The following C12orf42 variants were observed in gnomAD, a reference collection of about 807,000 sequenced individuals.
C12orf42 encodes the protein chromosome 12 open reading frame 42.
In C12orf42, 25 loss-of-function variants were observed where a neutral mutation model predicts 21.6. That is an observed-to-expected ratio of 1.16 (90% CI 0.84 to 1.62). C12orf42 has a LOEUF of 1.62. Ranked by LOEUF, C12orf42 falls within the 40% of genes most tolerant of loss-of-function variation. The probability of loss-of-function intolerance (pLI) is 0.00; values close to 1 mark genes in which losing one functional copy is unlikely to be tolerated. For missense variants in C12orf42, 483 were observed against 459.3 expected, an observed-to-expected ratio of 1.05 and a Z score of -0.47; for synonymous variants, 174 against 175.0, an observed-to-expected ratio of 0.99 and a Z score of 0.05.
the C12orf42 span, among the ~76,000 whole-genome samples, chr12:103,143,050 C>T: frequency 1.4e-4 from 22 of 152,108 alleles, no homozygotes; most frequent in Non-Finnish European, 2.6e-4. Flanking sequence ...CTGAGCAGCA[C>T]GTTTTACACT....
the C12orf42 span, among the ~76,000 whole-genome samples, chr12:103,117,054 C>G: frequency 6.6e-6 from 1 of 152,070 alleles, no homozygotes; most frequent in Non-Finnish European, 1.5e-5. Flanking sequence ...CTTCAGTATC[C>G]TCCTTCTAGC....
the C12orf42 span, among the ~76,000 whole-genome samples, chr12:103,524,156 T>C: frequency 3.3e-5 from 5 of 152,202 alleles, no homozygotes; most frequent in Admixed American, 1.3e-4. Context: ...ATTCTGCCTA[T>C]CCTTTTGCAA....
the C12orf42 span, among the ~76,000 whole-genome samples, chr12:103,071,546 T>C: frequency 6.6e-6 from 1 of 152,050 alleles, no homozygotes; most frequent in Admixed American, 6.6e-5. Context: ...GTGTCAAGGG[T>C]GGGGCCAGGT....
chr12:103,526,381 C>T, the C12orf42 span, among the ~76,000 whole-genome samples: 2 of 152,138 alleles, frequency 1.3e-5, no homozygotes, highest in African/African-American at 2.4e-5. Context: ...TATCATTGCA[C>T]GAGTTGTCTG....
rs546035208 is a variant in C12orf42, at chr12:103,310,342, A to C, written c.260-3997T>G. ...TGCCTATTTCACCTTCTCAGGAGCC[A>C]ATTAAATCTCTTTTCTTTGTAAATG... On this transcript the variant is annotated intron_variant, in intron 4 of 5. Coordinates refer to ENST00000548883, the MANE Select transcript of C12orf42 (RefSeq NM_198521.5). 1.4e-4 allele frequency among the ~76,000 whole-genome samples: 22 copies of C among 152,250 alleles called. No homozygotes were observed. In the South Asian group the frequency reaches 4.6e-3, roughly 32 times the overall value.
chr12:103,050,219 G>GGTGT, the C12orf42 span, among the ~76,000 whole-genome samples: 1,110 of 148,750 alleles, frequency 7.5e-3, 6 homozygotes, highest in African/African-American at 0.02. Flanking sequence ...TTTTCTCACA[G>GGTGT]GTGTGTGTGT....
chr12:103,344,337 A>AC (rs1241865504), intron 4 of C12orf42, among the ~76,000 whole-genome samples: 10 of 152,182 alleles, frequency 6.6e-5, no homozygotes, highest in African/African-American at 2.2e-4. Context: ...AGGAGGGGTA[A>AC]CTATCAGACA....
At chr12:103,080,818 G>A in the C12orf42 span, 1 of 152,106 alleles carries the variant, frequency 6.6e-6, no homozygotes, top group African/African-American at 2.4e-5. Flanking sequence ...ATTTTAGAAA[G>A]TTAGTTCATA....
intron 5 of C12orf42, among the ~76,000 whole-genome samples, chr12:103,276,446 C>T (rs1682436276): frequency 6.6e-6 from 1 of 152,198 alleles, no homozygotes; most frequent in South Asian, 2.1e-4. Flanking sequence ...GTACTCTCCC[C>T]ATTGCAAGAG....
rs149766576 is a variant in C12orf42 at position 103,303,196 on chromosome 12, C to T, written c.632-637G>A. On this transcript the variant is annotated intron_variant, in intron 5 of 5. Coordinates refer to ENST00000548883, the MANE Select transcript of C12orf42 (RefSeq NM_198521.5). Reference sequence around the variant, plus strand: ...TGCCCAACGAAATAATTTTTCCATACAAAAGATGTGTTTTTTTACAACATA... The same window carrying T: ...TGCCCAACGAAATAATTTTTCCATATAAAAGATGTGTTTTTTTACAACATA... Among the ~76,000 whole-genome samples the T allele has an allele frequency of 3.5e-3, 530 of 152,102 alleles. 13 individuals are homozygous for T. The highest frequency in any genetic ancestry group is 0.031 in the Admixed American group (479 of 15,272).
the C12orf42 span, chr12:103,155,017 C>T: frequency 3.9e-5 from 6 of 152,186 alleles, no homozygotes; most frequent in Non-Finnish European, 7.3e-5. Flanking sequence ...AAACCTCCCC[C>T]ACTCCTCTTT....
At chr12:103,521,377 G>A in the C12orf42 span, among the ~76,000 whole-genome samples, 1 of 152,196 alleles carries the variant, frequency 6.6e-6, no homozygotes, top group Non-Finnish European at 1.5e-5. Flanking sequence ...CATGTCCTTT[G>A]CAGGAACATG....
At chr12:103,280,340 G>A (rs543452905) in intron 4 of C12orf42, among the ~76,000 whole-genome samples, 6 of 152,214 alleles carry the variant, frequency 3.9e-5, no homozygotes, top group South Asian at 4.1e-4. Context: ...GAGTGGGGCC[G>A]GGTGCGGTGG....
intron 2 of C12orf42, among the ~76,000 whole-genome samples, chr12:103,421,672 A>G (rs1047455381): frequency 6.6e-5 from 10 of 152,130 alleles, no homozygotes; most frequent in African/African-American, 2.4e-4. Context: ...CAAAAAAAGA[A>G]CTAATATTCC....
At chr12:103,195,379 C>T in the C12orf42 span, among the ~76,000 whole-genome samples, 4 of 152,094 alleles carry the variant, frequency 2.6e-5, no homozygotes, top group South Asian at 2.1e-4. Context: ...AACTGCTTTC[C>T]GGAGTGGCTG....
At chr12:103,360,963 T>C (rs144441509) in intron 4 of C12orf42, among the ~76,000 whole-genome samples, 298 of 152,234 alleles carry the variant, frequency 2.0e-3, no homozygotes, top group Non-Finnish European at 3.5e-3. Flanking sequence ...TCTTGCACCA[T>C]TTGAGTTTCC....
chr12:103,535,509 T>C, the C12orf42 span, among the ~76,000 whole-genome samples: 1 of 151,912 alleles, frequency 6.6e-6, no homozygotes, highest in Non-Finnish European at 1.5e-5. Flanking sequence ...TGGTAGATCA[T>C]GGGAGCCTTG....
chr12:103,376,518 A>G (rs2045710856), intron 3 of C12orf42, among the ~76,000 whole-genome samples: 1 of 152,112 alleles, frequency 6.6e-6, no homozygotes, highest in Non-Finnish European at 1.5e-5. Flanking sequence ...GCACATGTAT[A>G]CCTATGTAAC....
chr12:103,441,038 T>C (rs1012323299), intron 2 of C12orf42, among the ~76,000 whole-genome samples: 15 of 152,182 alleles, frequency 9.9e-5, no homozygotes, highest in African/African-American at 3.4e-4. Flanking sequence ...TTCATTTACC[T>C]AGCAAACAGT....
Sources: gnomAD v4.1 joint callset for allele counts (sites outside exome capture counted in the v4.1 genomes callset) on GRCh38, gnomAD v4.1.1 for gene constraint, MANE v1.5 for transcripts, NCBI Gene and HGNC (gene_info 2026-07-23, HGNC 2026-07-21) for gene names.